PRMT3: variants seen among roughly 807,000 people sequenced by gnomAD.
PRMT3 encodes the protein protein arginine methyltransferase 3.
Under a neutral mutation model 71.9 loss-of-function variants are expected in PRMT3, and 62 were observed. The observed-to-expected ratio is 0.86, with a 90% confidence interval of 0.70 to 1.07. The LOEUF (loss-of-function observed/expected upper bound fraction) is 1.07. PRMT3 is among the 50% of genes least tolerant of loss of function. The pLI is 0.00. For synonymous variants in PRMT3, 213 were observed against 220.4 expected (o/e 0.97, Z 0.30); for missense variants, 663 against 643.0 (o/e 1.03, Z -0.34).
chr11:20,427,081 C>T (rs532947899), intron 10 of PRMT3, among the ~76,000 whole-genome samples: 1 of 152,046 alleles, frequency 6.6e-6, no homozygotes, highest in African/African-American at 2.4e-5. Flanking sequence ...ATTGGCTATT[C>T]ATAATCTTTA....
At chr11:20,491,869 T>TC (rs1341533834) in intron 13 of PRMT3, among the ~76,000 whole-genome samples, 1 of 152,190 alleles carries the variant, frequency 6.6e-6, no homozygotes, top group Non-Finnish European at 1.5e-5. Context: ...AGCTCTCTCC[T>TC]CTCCATATTT....
chr11:20,397,587 C>G lies in PRMT3; in HGVS notation c.571C>G (p.Gln191Glu). ...TCAAATTGATTACAGACAATTTGCT[C>G]AGGATTTTGTGATGCACACAGATGT... is the stretch of plus-strand genomic sequence containing the variant. Reference protein sequence around the residue: ...EDLQKMKQFAQDFVMHTDVRT... With the variant: ...EDLQKMKQFAEDFVMHTDVRT... The change falls in exon 7 of 16, where the codon CAG (glutamine) becomes GAG (glutamate). Residue 191 changes from glutamine to glutamate, a missense_variant. Transcript: ENST00000331079. 1.2e-6 allele frequency: 2 copies of G among 1,613,916 alleles called. No individual in the cohort carries two copies. The highest frequency in any genetic ancestry group is 1.7e-6 in the Non-Finnish European group (2 of 1,179,972).
chr11:20,491,594 C>T (rs1851207753), intron 13 of PRMT3, among the ~76,000 whole-genome samples: 1 of 152,198 alleles, frequency 6.6e-6, no homozygotes, highest in African/African-American at 2.4e-5. Flanking sequence ...CTGTCTTACA[C>T]ATACCTAGTT....
At position 20,452,207 on chromosome 11, in the gene PRMT3, G is replaced by A. The variant is rs751620031; in HGVS notation, c.1071G>A (p.Ser357=). 6.9e-6 allele frequency: 11 copies of A among 1,596,650 alleles called. No homozygotes were observed. Among genetic ancestry groups the A allele is most frequent in the East Asian group, 6.7e-5 (3 of 44,698 alleles). Residue 357 remains serine, a splice_region_variant and synonymous_variant, in exon 11 of 16, where the codon TCG becomes TCA. Coordinates refer to ENST00000331079, the MANE Select transcript of PRMT3 (RefSeq NM_005788.4). ...ACAAATACTTGGCAAAAGGAGGCTC[G>A]GGTGAGTATAAAATTCTGGTTTTAA... ...AKNKYLAKGG[S]VYPDICTISL...
intron 3 of PRMT3, among the ~76,000 whole-genome samples, chr11:20,390,847 G>A (rs1408735322): frequency 6.6e-6 from 1 of 152,142 alleles, no homozygotes; most frequent in Non-Finnish European, 1.5e-5. Context: ...TCAGGAGATC[G>A]AGACCATCCT....
In PRMT3 at chr11:20,419,648, T is replaced by A. The variant is rs867148206; in HGVS notation, c.894-7118T>A. Among the ~76,000 whole-genome samples, 6 of 152,236 alleles carry A rather than the reference T, an allele frequency of 3.9e-5. No homozygotes were observed. In the South Asian group the frequency reaches 1.2e-3, roughly 31 times the overall value. ...CTTAGGCATTGATTTTTGTATATAG[T>A]ATGAAGTGGTGGTCCAGTTTTGTTC... On this transcript the variant is annotated intron_variant, in intron 9 of 15. Coordinates refer to ENST00000331079, the MANE Select transcript of PRMT3 (RefSeq NM_005788.4).
At chr11:20,494,109 T>C (rs1851276742) in intron 14 of PRMT3, 58 bp from the exon 15 acceptor site, 2 of 1,504,948 alleles carry the variant, frequency 1.3e-6, no homozygotes, top group South Asian at 1.1e-5. Flanking sequence ...TAGATTAATG[T>C]ACCATGATAT....
chr11:20,398,826 C>T (rs1391757095), intron 7 of PRMT3, among the ~76,000 whole-genome samples: 1 of 152,146 alleles, frequency 6.6e-6, no homozygotes, highest in Non-Finnish European at 1.5e-5. Context: ...GGCTATATAC[C>T]ATCTCCATTT....
In PRMT3 at chr11:20,509,156, C is replaced by A. The variant is rs1851667849; in HGVS notation, c.*743C>A. 1.3e-5 allele frequency: 2 copies of A among 152,118 alleles called. No individual in the cohort carries two copies. Among genetic ancestry groups the A allele is most frequent in the South Asian group, 4.1e-4 (2 of 4,828 alleles). 9.4% of individuals were successfully genotyped at this position (152,118 alleles called of 1,614,324 possible). ...TTACTAACGTATTATCTTTTTCAAACCAGATTTATGTGCAAAGGTTAAACA... is the reference window on the plus strand; with the variant it reads ...TTACTAACGTATTATCTTTTTCAAAACAGATTTATGTGCAAAGGTTAAACA... On this transcript the variant is annotated 3_prime_UTR_variant, in exon 16 of 16. Transcript: ENST00000331079.
At chr11:20,451,548 G>C (rs1268516547) in intron 10 of PRMT3, among the ~76,000 whole-genome samples, 3 of 151,890 alleles carry the variant, frequency 2.0e-5, no homozygotes, top group African/African-American at 7.3e-5. Flanking sequence ...TATTTGGGAA[G>C]TGGTTTTCTA....
At position 20,461,987 on chromosome 11, in the gene PRMT3, T is replaced by C; in HGVS notation, c.1080T>C (p.Pro360=). 1 of 1,577,708 alleles carries C rather than the reference T, an allele frequency of 6.3e-7. No homozygotes were observed. The highest frequency in any genetic ancestry group is 8.6e-7 in the Non-Finnish European group (1 of 1,156,402). The change falls in exon 12 of 16, where the codon CCT becomes CCC. Residue 360 remains proline, a synonymous_variant. Coordinates refer to ENST00000331079, the MANE Select transcript of PRMT3 (RefSeq NM_005788.4). The part of the protein sequence containing the change: ...KYLAKGGSVY[P]DICTISLVAV... ...GCATTTTGTTTGTTACAGTCTACCCTGACATTTGCACTATCAGCCTTGTAG... is the reference window on the plus strand; with the variant it reads ...GCATTTTGTTTGTTACAGTCTACCCCGACATTTGCACTATCAGCCTTGTAG...
At chr11:20,400,828 T>C (rs1319831149) in intron 7 of PRMT3, among the ~76,000 whole-genome samples, 2 of 151,688 alleles carry the variant, frequency 1.3e-5, no homozygotes, top group African/African-American at 2.4e-5. Context: ...TTATTTTTCT[T>C]AGTTTCAAGG....
intron 13 of PRMT3, among the ~76,000 whole-genome samples, chr11:20,493,669 ATT>A (rs1851263478): frequency 6.6e-6 from 1 of 152,182 alleles, no homozygotes; most frequent in African/African-American, 2.4e-5. Flanking sequence ...TAGCATGATT[ATT>A]TCTCTAATAA....
intron 10 of PRMT3, 70 bp from the exon 11 acceptor site, chr11:20,452,060 T>C (rs1474560997): frequency 1.9e-6 from 2 of 1,067,024 alleles, no homozygotes; most frequent in Non-Finnish European, 1.4e-6. Context: ...GTAGCACCGA[T>C]GTTTAAATTG....
intron 11 of PRMT3, among the ~76,000 whole-genome samples, chr11:20,460,903 C>T (rs1255560751): frequency 2.0e-5 from 3 of 152,152 alleles, no homozygotes; most frequent in African/African-American, 7.2e-5. Context: ...TATCCTAGTT[C>T]AGATCACCTG....
At chr11:20,441,307 ATTTATT>A (rs1590066738) in intron 10 of PRMT3, among the ~76,000 whole-genome samples, 4 of 143,734 alleles carry the variant, frequency 2.8e-5, no homozygotes, top group East Asian at 4.0e-4. Flanking sequence ...TTATTTATTT[ATTTATT>A]TATATATTTT....
At chr11:20,388,793 TCA>T (rs377085669) in intron 2 of PRMT3, among the ~76,000 whole-genome samples, 8 of 152,236 alleles carry the variant, frequency 5.3e-5, no homozygotes, top group African/African-American at 1.7e-4. Context: ...ATTTCCAAAC[TCA>T]CATTCTTGCC....
At chr11:20,461,719 T>C (rs78356616) in intron 11 of PRMT3, among the ~76,000 whole-genome samples, 2,922 of 152,316 alleles carry the variant, frequency 0.019, 115 homozygotes, top group African/African-American at 0.067. Context: ...TTCAGAATTG[T>C]TTAATTATAT....
chr11:20,461,931 A>G (rs746537292), intron 11 of PRMT3, 49 bp from the exon 12 acceptor site: 14 of 1,410,076 alleles, frequency 9.9e-6, no homozygotes, highest in Admixed American at 9.1e-5. Context: ...ATTATATTCC[A>G]TAAGAAAGGG....
Sources: gnomAD v4.1 joint callset for allele counts (sites outside exome capture counted in the v4.1 genomes callset) on GRCh38, gnomAD v4.1.1 for gene constraint, MANE v1.5 for transcripts, NCBI Gene and HGNC (gene_info 2026-07-23, HGNC 2026-07-21) for gene names.